Variants in CORIN observed in about 807,000 individuals in gnomAD.
CORIN encodes corin, serine peptidase, also known as atrial natriuretic peptide-converting enzyme.
CORIN carries 117 observed loss-of-function variants against 125.3 expected under a neutral mutation model. The observed-to-expected ratio is 0.93, with a 90% confidence interval of 0.80 to 1.09. CORIN has a LOEUF of 1.09. Among genes scored for constraint, CORIN ranks in the 50% least tolerant of loss-of-function variants. The pLI is 0.00. For synonymous variants in CORIN, 450 were observed against 466.4 expected, an observed-to-expected ratio of 0.96 and a Z score of 0.45; for missense variants, 1,253 against 1,306.7, an observed-to-expected ratio of 0.96 and a Z score of 0.63.
At chr4:47,621,256 C>T (rs1722297508) in intron 19 of CORIN, among the ~76,000 whole-genome samples, 1 of 152,114 alleles carries the variant, frequency 6.6e-6, no homozygotes, top group Admixed American at 6.6e-5. Flanking sequence ...AAAGGTAATA[C>T]AACTTCTTCC....
intron 5 of CORIN, 54 bp from the exon 6 acceptor site, chr4:47,693,137 T>A: frequency 8.8e-7 from 1 of 1,136,458 alleles, no homozygotes; most frequent in Non-Finnish European, 1.3e-6. Context: ...TTTTTTCTTT[T>A]AAGATTACAA....
chr4:47,597,348 T>C (rs1421051921), intron 21 of CORIN, among the ~76,000 whole-genome samples: 1 of 107,820 alleles, frequency 9.3e-6, no homozygotes, highest in Non-Finnish European at 1.9e-5. Context: ...TGAAACTCCA[T>C]CTCAAAAAAA....
At position 47,732,750 on chromosome 4, in the gene CORIN, C is replaced by T. The variant is rs532606960; in HGVS notation, c.799+11652G>A. Among the ~76,000 whole-genome samples, 7 of 152,130 alleles carry T rather than the reference C, an allele frequency of 4.6e-5. No homozygotes were observed. In the East Asian group the frequency reaches 7.7e-4, roughly 17 times the overall value. ...GGCTTTTTTATATTTTTAGTAGAGACGCGGTTTCACTATGTTGGCCAGGCT... is the reference window on the plus strand; with the variant it reads ...GGCTTTTTTATATTTTTAGTAGAGATGCGGTTTCACTATGTTGGCCAGGCT... On this transcript the variant is annotated intron_variant, in intron 5 of 21. Transcript: ENST00000273857.
At chr4:47,778,248 G>A (rs528197451) in intron 3 of CORIN, among the ~76,000 whole-genome samples, 9 of 152,312 alleles carry the variant, frequency 5.9e-5, no homozygotes, top group African/African-American at 1.9e-4. Context: ...CTCACTTGCT[G>A]TATGTATTAA....
At chr4:47,678,128 A>G in intron 8 of CORIN, 74 bp from the exon 9 acceptor site, 1 of 997,094 alleles carries the variant, frequency 1.0e-6, no homozygotes, top group Admixed American at 1.7e-5. Flanking sequence ...AATAAGCAAC[A>G]GCCATTTATC....
intron 1 of CORIN, among the ~76,000 whole-genome samples, chr4:47,825,766 T>A (rs942048969): frequency 6.6e-6 from 1 of 150,742 alleles, no homozygotes; most frequent in Non-Finnish European, 1.5e-5. Flanking sequence ...AGTGGCGTGA[T>A]CTCGGCTCAC....
intron 17 of CORIN, 151 bp from the exon 18 acceptor site, chr4:47,624,099 A>T: frequency 3.0e-6 from 2 of 677,382 alleles, no homozygotes; most frequent in South Asian, 1.9e-5. Flanking sequence ...AGGAAAGCAC[A>T]TTCCTCTTGG....
At chr4:47,614,883 T>TA (rs1215406380) in intron 19 of CORIN, among the ~76,000 whole-genome samples, 30 of 151,022 alleles carry the variant, frequency 2.0e-4, no homozygotes, top group African/African-American at 3.4e-4. Context: ...AACTAGATAG[T>TA]AAAAAAAAAG....
chr4:47,690,323 T>G (rs1172631084), intron 6 of CORIN, among the ~76,000 whole-genome samples: 1 of 152,178 alleles, frequency 6.6e-6, no homozygotes, highest in African/African-American at 2.4e-5. Flanking sequence ...ATGGGCAAAT[T>G]TATTCATTGC....
At chr4:47,835,100 G>C (rs1733318878) in intron 1 of CORIN, among the ~76,000 whole-genome samples, 1 of 152,174 alleles carries the variant, frequency 6.6e-6, no homozygotes, top group Non-Finnish European at 1.5e-5. Flanking sequence ...AAACAAACAA[G>C]TGTATTATGT....
chr4:47,765,770 T>C (rs1345673261), intron 3 of CORIN, among the ~76,000 whole-genome samples: 1 of 152,232 alleles, frequency 6.6e-6, no homozygotes, highest in African/African-American at 2.4e-5. Context: ...GCCAGTGAAG[T>C]TGAGCACCTT....
At chr4:47,739,469 A>G (rs1029571411) in intron 5 of CORIN, among the ~76,000 whole-genome samples, 12 of 152,060 alleles carry the variant, frequency 7.9e-5, no homozygotes, top group African/African-American at 2.7e-4. Context: ...AAAATGAAAG[A>G]CAAATTATGA....
intron 13 of CORIN, among the ~76,000 whole-genome samples, chr4:47,649,749 T>A (rs562514261): frequency 2.0e-5 from 3 of 152,298 alleles, no homozygotes; most frequent in African/African-American, 4.8e-5. Flanking sequence ...AACCAAGTAT[T>A]TAAAGGGAAG....
chr4:47,816,283 A>T (rs186102819), intron 1 of CORIN, among the ~76,000 whole-genome samples: 21 of 152,348 alleles, frequency 1.4e-4, no homozygotes, highest in Admixed American at 3.9e-4. Flanking sequence ...AAAGCAAAAG[A>T]TGAATTCCAA....
chr4:47,786,690 T>C, intron 3 of CORIN, 35 bp downstream of exon 3: 1 of 1,559,060 alleles, frequency 6.4e-7, no homozygotes, highest in Non-Finnish European at 8.8e-7. Context: ...TGTGGGACAT[T>C]AAAAGCCTCT....
At chr4:47,630,060 TGG>T (rs1222485698) in intron 16 of CORIN, among the ~76,000 whole-genome samples, 7 of 152,330 alleles carry the variant, frequency 4.6e-5, no homozygotes, top group African/African-American at 1.7e-4. Context: ...GTTTGTTACA[TGG>T]ATGTTCATAC....
chr4:47,834,507 A>G (rs1733274284), intron 1 of CORIN, among the ~76,000 whole-genome samples: 1 of 152,220 alleles, frequency 6.6e-6, no homozygotes, highest in African/African-American at 2.4e-5. Flanking sequence ...CAAGATAAAT[A>G]AGTCCTAGAA....
At chr4:47,750,906 C>T (rs527776149) in intron 4 of CORIN, among the ~76,000 whole-genome samples, 4 of 152,296 alleles carry the variant, frequency 2.6e-5, no homozygotes, top group East Asian at 3.9e-4. Flanking sequence ...AAGCTGCATG[C>T]CTTGCACCTA....
chr4:47,745,839 A>G (rs750768134), intron 4 of CORIN, among the ~76,000 whole-genome samples: 7 of 152,262 alleles, frequency 4.6e-5, no homozygotes, highest in Non-Finnish European at 8.8e-5. Context: ...ATCTTTGTAC[A>G]TAAAAATGGA....
Sources: allele counts gnomAD v4.1 joint callset (sites outside exome capture counted in the v4.1 genomes callset), GRCh38; gene constraint gnomAD v4.1.1; transcripts MANE v1.5; gene names NCBI Gene and HGNC (gene_info 2026-07-23, HGNC 2026-07-21).